The following MLLT10 variants were observed in gnomAD, a reference collection of about 807,000 sequenced individuals.
The protein encoded by MLLT10 is protein AF-10.
A neutral mutation model predicts 129.1 loss-of-function variants in MLLT10; 30 were observed. That is an observed-to-expected ratio of 0.23 (90% CI 0.17 to 0.32). The LOEUF (loss-of-function observed/expected upper bound fraction) is 0.32. Ranked by LOEUF, MLLT10 falls within the 10% of genes least tolerant of loss-of-function variation. The probability of loss-of-function intolerance (pLI) is 1.00; values close to 1 mark genes in which losing one functional copy is unlikely to be tolerated. For synonymous variants in MLLT10, 490 were observed against 446.4 expected (o/e 1.10, Z -1.23); for missense variants, 1,119 against 1,268.3 (o/e 0.88, Z 1.79).
chr10:21,543,010 G>A (rs1321500438), intron 3 of MLLT10, among the ~76,000 whole-genome samples: 2 of 151,752 alleles, frequency 1.3e-5, no homozygotes, highest in East Asian at 1.9e-4. Flanking sequence ...CCAGGCTGGA[G>A]TGCAATGGCG....
At chr10:21,709,162 TTAGAAATTG>T (rs1445734338) in intron 13 of MLLT10, among the ~76,000 whole-genome samples, 3 of 152,178 alleles carry the variant, frequency 2.0e-5, no homozygotes, top group African/African-American at 7.2e-5. Flanking sequence ...TTTTCTAATT[TTAGAAATTG>T]GAGACTCCCT....
intron 14 of MLLT10, among the ~76,000 whole-genome samples, chr10:21,718,561 C>T (rs565957743): frequency 2.1e-4 from 32 of 152,188 alleles, no homozygotes; most frequent in African/African-American, 7.7e-4. Context: ...CTGAGTTTTG[C>T]GTTTGAAATA....
At chr10:21,736,461 T>C (rs2058373519) in intron 21 of MLLT10, among the ~76,000 whole-genome samples, 1 of 152,140 alleles carries the variant, frequency 6.6e-6, no homozygotes, top group Admixed American at 6.5e-5. Flanking sequence ...ATTTTGTATT[T>C]TTTGTAGAGA....
At chr10:21,565,945 CT>C (rs1204388391) in intron 3 of MLLT10, among the ~76,000 whole-genome samples, 1,363 of 79,398 alleles carry the variant, frequency 0.017, 2 homozygotes, top group African/African-American at 0.057. Context: ...CAATCTTTGG[CT>C]TTTTTTTTTT....
At chr10:21,642,217 G>A (rs2048075093) in intron 8 of MLLT10, among the ~76,000 whole-genome samples, 1 of 152,116 alleles carries the variant, frequency 6.6e-6, no homozygotes, top group African/African-American at 2.4e-5. Flanking sequence ...GCCAGACGTG[G>A]TGGCGGACGC....
At chr10:21,689,565 G>GTGTA (rs1254669195) in intron 13 of MLLT10, among the ~76,000 whole-genome samples, 39 of 113,456 alleles carry the variant, frequency 3.4e-4, no homozygotes, top group Admixed American at 9.2e-4. Flanking sequence ...ATATATATAT[G>GTGTA]TATATATATA....
chr10:21,607,964 TGACA>T (rs1291980040), intron 5 of MLLT10, among the ~76,000 whole-genome samples: 2 of 152,066 alleles, frequency 1.3e-5, no homozygotes, highest in Admixed American at 6.5e-5. Flanking sequence ...CCTTTATTTT[TGACA>T]GACAGTTTTG....
intron 3 of MLLT10, among the ~76,000 whole-genome samples, chr10:21,544,967 G>A (rs1275054804): frequency 6.6e-6 from 1 of 152,192 alleles, no homozygotes; most frequent in African/African-American, 2.4e-5. Flanking sequence ...CCAACATGGA[G>A]AAACTCCGTC....
chr10:21,725,752 C>CTTT (rs554724721), intron 14 of MLLT10, among the ~76,000 whole-genome samples: 1 of 131,332 alleles, frequency 7.6e-6, no homozygotes, highest in Non-Finnish European at 1.6e-5. Context: ...AGTTACGTAA[C>CTTT]TTTTTTTTTT....
chr10:21,692,568 T>G (rs895448679), intron 13 of MLLT10, among the ~76,000 whole-genome samples: 1 of 152,010 alleles, frequency 6.6e-6, no homozygotes, highest in Non-Finnish European at 1.5e-5. Context: ...CAGTCTCAAT[T>G]TCTTGGGCTC....
intron 14 of MLLT10, among the ~76,000 whole-genome samples, chr10:21,717,253 CAAAAAAAAAA>C (rs747244556): frequency 7.9e-5 from 5 of 63,558 alleles, no homozygotes; most frequent in Non-Finnish European, 1.1e-4. Context: ...AACTCCGTCT[CAAAAAAAAAA>C]AAAAAAAAAA....
intron 13 of MLLT10, among the ~76,000 whole-genome samples, chr10:21,686,932 G>A (rs1452863052): frequency 6.6e-6 from 1 of 152,132 alleles, no homozygotes; most frequent in Non-Finnish European, 1.5e-5. Context: ...GCAGTGAGGT[G>A]AGATCGCGCC....
intron 3 of MLLT10, chr10:21,556,597 C>G: frequency 2.0e-6 from 3 of 1,468,716 alleles, no homozygotes; most frequent in Non-Finnish European, 1.9e-6. Flanking sequence ...GAGCCAGTTA[C>G]GCGTTAGTAT....
intron 3 of MLLT10, 71 bp from the exon 4 acceptor site, chr10:21,586,223 G>A (rs1473544093): frequency 8.3e-6 from 10 of 1,204,100 alleles, no homozygotes; most frequent in Admixed American, 4.4e-5. Flanking sequence ...TAGTTTTGAC[G>A]TTGCAGGGAA....
chr10:21,694,034 C>T (rs189315412), intron 13 of MLLT10, among the ~76,000 whole-genome samples: 17 of 152,124 alleles, frequency 1.1e-4, no homozygotes, highest in South Asian at 2.1e-4. Context: ...TTCCCACATC[C>T]GAAAATATTT....
At chr10:21,665,761 C>CTCTG (rs1564609028) in intron 9 of MLLT10, among the ~76,000 whole-genome samples, 2 of 151,638 alleles carry the variant, frequency 1.3e-5, no homozygotes, top group Non-Finnish European at 2.9e-5. Context: ...CAGGGTCTTG[C>CTCTG]TCTGTCTCCC....
At chr10:21,549,008 C>A (rs570109909) in intron 3 of MLLT10, among the ~76,000 whole-genome samples, 1 of 152,030 alleles carries the variant, frequency 6.6e-6, no homozygotes, top group South Asian at 2.1e-4. Flanking sequence ...TCCTGTTCCT[C>A]TACCATGAGT....
At chr10:21,622,523 G>A (rs2045988122) in intron 8 of MLLT10, among the ~76,000 whole-genome samples, 2 of 152,068 alleles carry the variant, frequency 1.3e-5, no homozygotes, top group Admixed American at 1.3e-4. Context: ...AGGAACCAGA[G>A]CATATATTTA....
chr10:21,631,610 A>G (rs1465871050), intron 8 of MLLT10, among the ~76,000 whole-genome samples: 2 of 152,142 alleles, frequency 1.3e-5, no homozygotes, highest in Admixed American at 6.5e-5. Flanking sequence ...ACTTACAATC[A>G]TGTCAGAAGG....
Sources: gnomAD v4.1 joint callset for allele counts (sites outside exome capture counted in the v4.1 genomes callset) on GRCh38, gnomAD v4.1.1 for gene constraint, MANE v1.5 for transcripts, NCBI Gene and HGNC (gene_info 2026-07-23, HGNC 2026-07-21) for gene names.